The following ARHGEF1 variants were observed in gnomAD, a reference collection of about 807,000 sequenced individuals.
The protein encoded by ARHGEF1 is 115 kDa guanine nucleotide exchange factor.
A neutral mutation model predicts 119.7 loss-of-function variants in ARHGEF1; 40 were observed. That is an observed-to-expected ratio of 0.33 (90% CI 0.26 to 0.44). The LOEUF (loss-of-function observed/expected upper bound fraction) is 0.44. Among genes scored for constraint, ARHGEF1 ranks in the 20% least tolerant of loss-of-function variants. The probability of loss-of-function intolerance (pLI) is 1.00; values close to 1 mark genes in which losing one functional copy is unlikely to be tolerated. For synonymous variants in ARHGEF1, 494 were observed against 521.0 expected (o/e 0.95, Z 0.71); for missense variants, 976 against 1,268.3 (o/e 0.77, Z 3.50).
At chr19:41,901,806 C>T in intron 14 of ARHGEF1, 81 bp from the exon 15 acceptor site, 1 of 1,517,914 alleles carries the variant, frequency 6.6e-7, no homozygotes, top group East Asian at 2.3e-5. Context: ...TGCTCTGCCT[C>T]ATTCCTCTAG....
chr19:41,915,308 C>T (rs1212880240), intron 18 of ARHGEF1, among the ~76,000 whole-genome samples: 1 of 151,688 alleles, frequency 6.6e-6, no homozygotes, highest in Non-Finnish European at 1.5e-5. Context: ...TCTGCCATCT[C>T]GCAGTCTCTG....
Position 41,888,187 on chromosome 19 carries a change from C to T in ARHGEF1, c.25-5C>T. On this transcript the variant is annotated splice_region_variant and splice_polypyrimidine_tract_variant and intron_variant, in intron 2 of 28. Coordinates refer to ENST00000354532, the MANE Select transcript of ARHGEF1 (RefSeq NM_004706.4). The surrounding 1 kb of genome is among the most constrained non-coding windows in gnomAD (Gnocchi z 5.1). ...GTGGACTGAAGCTGCCCTCCCTTTC[C>T]ACAGGCCTCCCCAGGCCCCTCCCGG... 6.2e-7 allele frequency: 1 copy of T among 1,614,066 alleles called. No homozygotes were observed. Among genetic ancestry groups the T allele is most frequent in the East Asian group, 2.2e-5 (1 of 44,864 alleles).
In ARHGEF1 at chr19:41,903,253, T is replaced by C; in HGVS notation, c.1739-54T>C. 6.4e-7 allele frequency: 1 copy of C among 1,553,458 alleles called. No homozygotes were observed. The highest frequency in any genetic ancestry group is 8.9e-7 in the Non-Finnish European group (1 of 1,127,806). ...CCTTTGTCTAACCTTGGCTGCCCAATCTGGAGCCTCCAGGGCAGGGGTTCA... is the reference window on the plus strand; with the variant it reads ...CCTTTGTCTAACCTTGGCTGCCCAACCTGGAGCCTCCAGGGCAGGGGTTCA... On this transcript the variant is annotated intron_variant, in intron 18 of 28. Transcript: ENST00000354532. This position sits in a 1 kb window ranked among gnomAD's most constrained non-coding sequence, Gnocchi z 4.2.
rs1599659981 is a variant in ARHGEF1, at chr19:41,903,008, T to C, written c.1738+110T>C. The C allele has an allele frequency of 1.1e-6, 1 of 915,548 alleles. No homozygotes were observed. The highest frequency in any genetic ancestry group is 1.6e-6 in the Non-Finnish European group (1 of 622,596). The allele number at this position is 915,548 out of a possible 1,614,324, so 56.7% of individuals were successfully genotyped here. A position where few individuals can be genotyped will look rare whatever the true frequency, so the allele number is the denominator to read the frequency against. On this transcript the variant is annotated intron_variant, in intron 18 of 28. Transcript: ENST00000354532. This position sits in a 1 kb window ranked among gnomAD's most constrained non-coding sequence, Gnocchi z 4.2. ...ATCACAGCTCACTGCAGCCTCAACCTCCCAGGATCTACCATCCTCCCACCT... is the reference window on the plus strand; with the variant it reads ...ATCACAGCTCACTGCAGCCTCAACCCCCCAGGATCTACCATCCTCCCACCT...
chr19:41,908,997 T>A (rs891172), downstream of ARHGEF1: 4 of 1,019,362 alleles, frequency 3.9e-6, no homozygotes, highest in East Asian at 9.8e-5. The surrounding 1 kb of genome is among the most constrained non-coding windows in gnomAD (Gnocchi z 6.7). Flanking sequence ...TCTCATCCTC[T>A]TCCCTCAAGC....
rs1555850011 is a variant in ARHGEF1, at chr19:41,905,725, G to T, written c.2337-35G>T. 1.2e-6 allele frequency: 2 copies of T among 1,612,234 alleles called. No individual in the cohort carries two copies. The highest frequency in any genetic ancestry group is 1.7e-6 in the Non-Finnish European group (2 of 1,179,092). On this transcript the variant is annotated intron_variant, in intron 24 of 28. Transcript: ENST00000354532. The surrounding 1 kb of genome is among the most constrained non-coding windows in gnomAD (Gnocchi z 6.4). ...CTGCCCCTGCGGCCCCCCAGGGCCA[G>T]GGGTGTGGGGTCACCCAGCACTTCC... is the stretch of plus-strand genomic sequence containing the variant.
intron 18 of ARHGEF1, among the ~76,000 whole-genome samples, chr19:41,914,015 C>T (rs1422359533): frequency 2.6e-5 from 4 of 151,004 alleles, no homozygotes; most frequent in African/African-American, 9.8e-5. Context: ...CTCCCATGCG[C>T]CCCCCAGCCA....
At chr19:41,911,062 G>A (rs2074748820), downstream of ARHGEF1, among the ~76,000 whole-genome samples, 1 of 152,134 alleles carries the variant, frequency 6.6e-6, no homozygotes. Flanking sequence ...AGATATCCAT[G>A]TCCCCAGACA....
chr19:41,921,968 C>T (rs2074844861), upstream of ARHGEF1, among the ~76,000 whole-genome samples: 1 of 151,768 alleles, frequency 6.6e-6, no homozygotes, highest in East Asian at 1.9e-4. The surrounding 1 kb of genome is among the most constrained non-coding windows in gnomAD (Gnocchi z 4.4). Context: ...CCCCAACTCC[C>T]ACCCCTTCCC....
At chr19:41,927,879 G>A (rs1039768267) in intron 1 of ARHGEF1, among the ~76,000 whole-genome samples, 1 of 151,392 alleles carries the variant, frequency 6.6e-6, no homozygotes, top group Non-Finnish European at 1.5e-5. Flanking sequence ...TGCCCCACCT[G>A]CCCCTTACAG....
rs1288017849 is a variant in ARHGEF1 at position 41,904,758 on chromosome 19, A to G, written c.2162-191A>G. The stretch of plus-strand genomic sequence containing the variant: ...AGCCAGGGTACATGCCCGATTCCAT[A>G]AGGAGGTGTGAGAGGTGGGGCTCAG... On this transcript the variant is annotated intron_variant, in intron 22 of 28. Transcript: ENST00000354532. This position sits in a 1 kb window ranked among gnomAD's most constrained non-coding sequence, Gnocchi z 8.4. Among the ~76,000 whole-genome samples, 2 of 151,994 alleles carry G rather than the reference A, an allele frequency of 1.3e-5. No homozygotes were observed. Among genetic ancestry groups the G allele is most frequent in the Non-Finnish European group, 2.9e-5 (2 of 67,996 alleles).
chr19:41,888,702 A>C lies in ARHGEF1; in HGVS notation c.112-50A>C. On this transcript the variant is annotated intron_variant, in intron 3 of 28. Coordinates refer to ENST00000354532, the MANE Select transcript of ARHGEF1 (RefSeq NM_004706.4). This position sits in a 1 kb window ranked among gnomAD's most constrained non-coding sequence, Gnocchi z 5.1. ...GCCAGGAATGGGTAGGGTCAACCCT[A>C]AGGCCCCTCCTCTTCTCCCCATTGT... 1 of 1,549,646 alleles carries C rather than the reference A, an allele frequency of 6.5e-7. No individual in the cohort carries two copies. Among genetic ancestry groups the C allele is most frequent in the Non-Finnish European group, 8.9e-7 (1 of 1,122,744 alleles).
intron 13 of ARHGEF1, chr19:41,896,794 C>T: frequency 2.1e-6 from 1 of 477,224 alleles, no homozygotes; most frequent in Admixed American, 2.4e-5. Context: ...ATTTCCCCCT[C>T]CTCTCTCACC....
At chr19:41,915,616 C>T (rs868960468) in intron 18 of ARHGEF1, among the ~76,000 whole-genome samples, 1 of 152,010 alleles carries the variant, frequency 6.6e-6, no homozygotes, top group Non-Finnish European at 1.5e-5. Flanking sequence ...CCCCATGTCC[C>T]CCATCTCTGT....
intron 7 of ARHGEF1, 162 bp from the exon 8 acceptor site, chr19:41,893,112 C>T (rs531829768): frequency 1.9e-6 from 2 of 1,066,430 alleles, no homozygotes; most frequent in Non-Finnish European, 2.7e-6. Context: ...TGAGAGACCT[C>T]CCTCCCTCTT....
At chr19:41,908,405 G>A, downstream of ARHGEF1, 7 of 1,231,228 alleles carry the variant, frequency 5.7e-6, no homozygotes, top group Non-Finnish European at 7.1e-6. The surrounding 1 kb of genome is among the most constrained non-coding windows in gnomAD (Gnocchi z 6.7). Context: ...CCAGGCGAGG[G>A]GCCGCTGCCA....
At chr19:41,926,878 G>A (rs1401871347) in intron 1 of ARHGEF1, among the ~76,000 whole-genome samples, 4 of 152,116 alleles carry the variant, frequency 2.6e-5, no homozygotes, top group Non-Finnish European at 5.9e-5. Flanking sequence ...GGAAACCAGC[G>A]AGGGGGAGAC....
In ARHGEF1 at chr19:41,892,791, T is replaced by A. The variant is rs1305777968; in HGVS notation, c.556T>A (p.Tyr186Asn). The A allele has an allele frequency of 6.3e-7, 1 of 1,598,618 alleles. No homozygotes were observed. The highest frequency in any genetic ancestry group is 8.5e-7 in the Non-Finnish European group (1 of 1,175,024). The change falls in exon 7 of 29, where the codon TAC becomes AAC. Residue 186 changes from tyrosine to asparagine, a missense_variant. Tyr to Asn is a moderately radical substitution (Grantham distance 143). Transcript: ENST00000354532. This position sits in a 1 kb window ranked among gnomAD's most constrained non-coding sequence, Gnocchi z 6.3. Reference sequence around the variant, plus strand: ...TTGGGTTGGGCGGGACCGAGCCAGCTACGAGGCCCGGGAGCGGCACGTGGC... The same window carrying A: ...TTGGGTTGGGCGGGACCGAGCCAGCAACGAGGCCCGGGAGCGGCACGTGGC... Reference protein sequence around the residue: ...EAWVGRDRASYEARERHVAER... With the variant: ...EAWVGRDRASNEARERHVAER...
rs541497992 is a variant in ARHGEF1, at chr19:41,889,875, G to A, written c.225+1010G>A. ...GGAGACTCTGGCCCTCTGAGCAAGG[G>A]AGTCCCCTATTCAAGCCTTGGGGTT... On this transcript the variant is annotated intron_variant, in intron 4 of 28. Transcript: ENST00000354532. This position sits in a 1 kb window ranked among gnomAD's most constrained non-coding sequence, Gnocchi z 4.0. 4 of 152,304 alleles carry A rather than the reference G, an allele frequency of 2.6e-5. No individual in the cohort carries two copies. Among genetic ancestry groups the A allele is most frequent in the Non-Finnish European group, 4.4e-5 (3 of 68,036 alleles). The allele number at this position is 152,304 out of a possible 1,614,324, so 9.4% of individuals were successfully genotyped here.
Sources: gnomAD v4.1 joint callset for allele counts (sites outside exome capture counted in the v4.1 genomes callset) on GRCh38, gnomAD v4.1.1 for gene constraint, Gnocchi (gnomAD v3.1) non-coding constraint, MANE v1.5 for transcripts, NCBI Gene and HGNC (gene_info 2026-07-23, HGNC 2026-07-21) for gene names.